The following PREPL variants were observed in gnomAD, a reference collection of about 807,000 sequenced individuals.
PREPL encodes prolyl endopeptidase-like.
In PREPL, 77 loss-of-function variants were observed where a neutral mutation model predicts 70.6. The ratio of observed to expected loss-of-function variants is 1.09; its 90% CI spans 0.91 to 1.32. The LOEUF (loss-of-function observed/expected upper bound fraction) is 1.32, where lower values mean the gene tolerates loss of function less well. Ranked by LOEUF, PREPL falls within the 40% of genes most tolerant of loss-of-function variation. The probability of loss-of-function intolerance (pLI) is 0.00; values close to 1 mark genes in which losing one functional copy is unlikely to be tolerated. For missense variants in PREPL, 1,002 were observed against 778.2 expected (o/e 1.29, Z -3.42); for synonymous variants, 315 against 264.8 (o/e 1.19, Z -1.84).
At chr2:44,333,498 G>A (rs1022725263) in intron 7 of PREPL, among the ~76,000 whole-genome samples, 1 of 151,894 alleles carries the variant, frequency 6.6e-6, no homozygotes, top group African/African-American at 2.4e-5. Flanking sequence ...GAAAATCAGA[G>A]GCACAGAAAC....
intron 5 of PREPL, among the ~76,000 whole-genome samples, chr2:44,340,816 T>C (rs1427115648): frequency 2.0e-5 from 3 of 151,394 alleles, no homozygotes; most frequent in Admixed American, 2.0e-4. Context: ...TAATCCCAGC[T>C]ACTTGGGAGG....
chr2:44,356,810 ATTT>A (rs60067050), intron 1 of PREPL, among the ~76,000 whole-genome samples: 1 of 148,142 alleles, frequency 6.8e-6, no homozygotes, highest in Admixed American at 6.7e-5. Flanking sequence ...GAAACTCCCT[ATTT>A]TTTTTTTTTT....
chr2:44,341,542 G>C (rs1447925267), intron 5 of PREPL, among the ~76,000 whole-genome samples: 3 of 151,918 alleles, frequency 2.0e-5, no homozygotes, highest in African/African-American at 7.3e-5. Flanking sequence ...TAAACTACTT[G>C]ACCAAATAGT....
chr2:44,342,661 T>A (rs1170724756), intron 4 of PREPL, 109 bp from the exon 5 acceptor site: 2 of 860,728 alleles, frequency 2.3e-6, no homozygotes, highest in Non-Finnish European at 3.6e-6. Context: ...CATGTGCAAG[T>A]TTATCCCTGG....
At position 44,320,865 on chromosome 2, in the gene PREPL, C is replaced by T. The variant is rs539580406; in HGVS notation, c.*491G>A. 2.7e-3 allele frequency: 1,526 copies of T among 555,906 alleles called. 8 individuals are homozygous for T. The highest frequency in any genetic ancestry group is 5.9e-3 in the South Asian group (286 of 48,656). 34.4% of individuals were successfully genotyped at this position (555,906 alleles called of 1,614,324 possible). On this transcript the variant is annotated 3_prime_UTR_variant, in exon 14 of 14. Coordinates refer to ENST00000409411, the MANE Select transcript of PREPL (RefSeq NM_001171613.2). ...GCTTATAACTTTATTCAGATAGCAT[C>T]AATCAGGGATGACCAGAACACATTA...
Position 44,326,774 on chromosome 2 carries a change from C to T in PREPL, c.1417G>A (p.Gly473Arg). ...LTTLTAFSAG[G>R]VLAGALCNSN... ...TTACACAATGCTCCTGCAAGCACCC[C>T]TCCAGCACTGAAAGCAGTCAGGGTT... is the stretch of plus-strand genomic sequence containing the variant. The change falls in exon 10 of 14, where the codon GGG (glycine) becomes AGG (arginine). Residue 473 changes from glycine (G) to arginine (R), a missense_variant. By Grantham distance (125) the Gly-to-Arg change is moderately radical. Transcript: ENST00000409411. The T allele has an allele frequency of 2.5e-6, 4 of 1,614,210 alleles. No individual in the cohort carries two copies. Among genetic ancestry groups the T allele is most frequent in the South Asian group, 2.2e-5 (2 of 91,082 alleles).
At chr2:44,328,800 A>G in intron 9 of PREPL, 137 bp downstream of exon 9, 1 of 862,876 alleles carries the variant, frequency 1.2e-6, no homozygotes, top group Non-Finnish European at 1.7e-6. Flanking sequence ...AAGTTTCACC[A>G]GTGCTGGTTT....
At chr2:44,337,482 T>G (rs981846212) in intron 7 of PREPL, among the ~76,000 whole-genome samples, 1 of 152,190 alleles carries the variant, frequency 6.6e-6, no homozygotes, top group South Asian at 2.1e-4. Context: ...ATTGTGCACA[T>G]GAAAGTTCAA....
At chr2:44,361,758 C>G, upstream of PREPL, 1 of 520,158 alleles carries the variant, frequency 1.9e-6, no homozygotes, top group South Asian at 5.0e-5. Flanking sequence ...TGCCACAGCT[C>G]TCTCATCCTC....
At chr2:44,329,194 G>T in intron 8 of PREPL, 82 bp from the exon 9 acceptor site, 1 of 1,170,602 alleles carries the variant, frequency 8.5e-7, no homozygotes, top group Non-Finnish European at 1.2e-6. Context: ...ACATTGAGGT[G>T]CACTGTCCCC....
At chr2:44,344,040 C>T in intron 3 of PREPL, 89 bp from the exon 4 acceptor site, 4 of 1,435,352 alleles carry the variant, frequency 2.8e-6, no homozygotes, top group Non-Finnish European at 3.7e-6. Context: ...ATTAGAATTC[C>T]CATTCTGTAA....
intron 3 of PREPL, 86 bp downstream of exon 3, chr2:44,344,434 C>G: frequency 1.0e-6 from 1 of 1,002,138 alleles, no homozygotes; most frequent in African/African-American, 1.7e-5. Flanking sequence ...AAAATCTTTT[C>G]TCTATCTTTG....
At chr2:44,355,751 T>TTATATATATATATATATATACA (rs1553363721) in intron 1 of PREPL, among the ~76,000 whole-genome samples, 4 of 141,362 alleles carry the variant, frequency 2.8e-5, no homozygotes, top group African/African-American at 1.1e-4. Flanking sequence ...AAACTACATA[T>TTATATATATATATATATATACA]TATATATATA....
At chr2:44,353,498 G>A (rs1283798997) in intron 1 of PREPL, among the ~76,000 whole-genome samples, 1 of 151,848 alleles carries the variant, frequency 6.6e-6, no homozygotes, top group Non-Finnish European at 1.5e-5. Flanking sequence ...CTTGGCAGGA[G>A]AATTGTTTGA....
intron 1 of PREPL, among the ~76,000 whole-genome samples, chr2:44,350,395 T>C (rs1022728888): frequency 6.6e-6 from 1 of 152,050 alleles, no homozygotes; most frequent in Non-Finnish European, 1.5e-5. Flanking sequence ...AATCACACTT[T>C]AAAAAAATGA....
Position 44,332,459 on chromosome 2 carries a change from C to G in PREPL, c.1086G>C (p.Lys362Asn), listed in dbSNP as rs1343086879. ...TGAAAGTGAAGATTATAAGACCTAC[C>G]TTGCTTTTGGCTTCTAGACGTAAAA... ...SRVLRLEAKS[K>N]DGKLVPMTVF... Residue 362 changes from lysine (K) to asparagine (N), a missense_variant and splice_region_variant, in exon 8 of 14, where the codon AAG (lysine) becomes AAC (asparagine). Lys to Asn is a moderately conservative substitution (Grantham distance 94, BLOSUM62 0). Coordinates refer to ENST00000409411, the MANE Select transcript of PREPL (RefSeq NM_001171613.2). The G allele has an allele frequency of 1.2e-5, 19 of 1,610,568 alleles. No homozygotes were observed. Among genetic ancestry groups the G allele is most frequent in the Non-Finnish European group, 1.4e-5 (17 of 1,176,916 alleles).
chr2:44,339,367 G>C lies in PREPL; in HGVS notation c.486-4C>G, dbSNP rs1217024448. 9.4e-6 allele frequency: 10 copies of C among 1,061,622 alleles called. No homozygotes were observed. The highest frequency in any genetic ancestry group is 4.4e-5 in the South Asian group (2 of 45,442). 65.8% of individuals were successfully genotyped at this position (1,061,622 alleles called of 1,614,324 possible). A position where few individuals can be genotyped will look rare whatever the true frequency, so the allele number is the denominator to read the frequency against. Reference sequence around the variant, plus strand: ...AAGATAAAGGAAAACAAAGTAGCTAGAGAGAGAGAGAGAGACATGAGATCA... The same window carrying C: ...AAGATAAAGGAAAACAAAGTAGCTACAGAGAGAGAGAGAGACATGAGATCA... On this transcript the variant is annotated splice_region_variant and splice_polypyrimidine_tract_variant and intron_variant, in intron 5 of 13. Transcript: ENST00000409411.
chr2:44,339,410 A>G (rs1468996579), intron 5 of PREPL, 47 bp from the exon 6 acceptor site: 1 of 1,599,836 alleles, frequency 6.3e-7, no homozygotes, highest in Non-Finnish European at 8.5e-7. Flanking sequence ...TTTCAGATGC[A>G]TGCTACCTTG....
At position 44,318,147 on chromosome 2, in the gene PREPL, G is replaced by T; in HGVS notation, c.*3209C>A. On this transcript the variant is annotated 3_prime_UTR_variant, in exon 14 of 14. Transcript: ENST00000409411. ...GCTCCGTCACCCATGCTCGAGTGCA[G>T]TGGCGTGATCTCGGCACACTGCAGC... 2.3e-6 allele frequency: 1 copy of T among 440,996 alleles called. No individual in the cohort carries two copies. The highest frequency in any genetic ancestry group is 2.5e-5 in the Admixed American group (1 of 40,390). The allele number at this position is 440,996 out of a possible 1,614,324, so 27.3% of individuals were successfully genotyped here. A position where few individuals can be genotyped will look rare whatever the true frequency, so the allele number is the denominator to read the frequency against.
Sources: gnomAD v4.1 joint callset for allele counts (sites outside exome capture counted in the v4.1 genomes callset) on GRCh38, gnomAD v4.1.1 for gene constraint, MANE v1.5 for transcripts, NCBI Gene and HGNC (gene_info 2026-07-23, HGNC 2026-07-21) for gene names.